Variants in IGF1R observed in about 807,000 individuals in gnomAD.
IGF1R encodes the protein insulin like growth factor 1 receptor.
A neutral mutation model predicts 144.6 loss-of-function variants in IGF1R; 44 were observed. That is an observed-to-expected ratio of 0.30 (90% CI 0.24 to 0.39). The LOEUF (loss-of-function observed/expected upper bound fraction) is 0.39, where lower values mean the gene tolerates loss of function less well. Ranked by LOEUF, IGF1R falls within the 10% of genes least tolerant of loss-of-function variation. IGF1R has a pLI of 1.00. For missense variants in IGF1R, 1,355 were observed against 1,833.7 expected (o/e 0.74, Z 4.77); for synonymous variants, 795 against 722.8 (o/e 1.10, Z -1.60).
intron 2 of IGF1R, among the ~76,000 whole-genome samples, chr15:98,883,417 C>T (rs1315218847): frequency 6.6e-6 from 1 of 152,152 alleles, no homozygotes; most frequent in Admixed American, 6.5e-5. Context: ...GGTTTTACCT[C>T]GTGGGTCTAA....
At chr15:98,750,364 G>A (rs749489898) in intron 2 of IGF1R, among the ~76,000 whole-genome samples, 25 of 152,176 alleles carry the variant, frequency 1.6e-4, no homozygotes, top group Non-Finnish European at 3.4e-4. Context: ...GGCCTAGGAG[G>A]GCCCCTGGAT....
chr15:98,816,953 A>T (rs912340239), intron 2 of IGF1R, among the ~76,000 whole-genome samples: 1 of 152,216 alleles, frequency 6.6e-6, no homozygotes, highest in Non-Finnish European at 1.5e-5. Flanking sequence ...TATTAATTTA[A>T]CAAACATTAG....
At chr15:98,899,368 C>A in intron 4 of IGF1R, 109 bp from the exon 5 acceptor site, 1 of 1,127,660 alleles carries the variant, frequency 8.9e-7, no homozygotes, top group African/African-American at 1.5e-5. Flanking sequence ...CTGGGAGCAT[C>A]TCAGGGGGCA....
chr15:98,764,760 C>T (rs2055394010), intron 2 of IGF1R, among the ~76,000 whole-genome samples: 1 of 152,034 alleles, frequency 6.6e-6, no homozygotes, highest in Non-Finnish European at 1.5e-5. Context: ...TTTGGACTTC[C>T]TCTTTGGTAT....
chr15:98,777,814 G>A (rs2055756805), intron 2 of IGF1R, among the ~76,000 whole-genome samples: 1 of 152,216 alleles, frequency 6.6e-6, no homozygotes, highest in African/African-American at 2.4e-5. Flanking sequence ...GCTGGGAGCA[G>A]CTGCATGACT....
rs1248568280 is a variant in IGF1R, at chr15:98,852,852, C to T, written c.641-38473C>T. Among the ~76,000 whole-genome samples, 9 of 152,254 alleles carry T rather than the reference C, an allele frequency of 5.9e-5. No individual in the cohort carries two copies. The South Asian group carries it at 1.2e-3, about 21-fold the overall frequency. On this transcript the variant is annotated intron_variant, in intron 2 of 20. Transcript: ENST00000650285. ...GACACCCCGTCCTCCCTTCCCCCGGCATCCCTGCCCTTATTCTGGCTTTCT... is the reference window on the plus strand; with the variant it reads ...GACACCCCGTCCTCCCTTCCCCCGGTATCCCTGCCCTTATTCTGGCTTTCT...
chr15:98,855,698 T>G (rs1041062657), intron 2 of IGF1R, among the ~76,000 whole-genome samples: 2 of 152,136 alleles, frequency 1.3e-5, no homozygotes, highest in Admixed American at 1.3e-4. Context: ...TTTATGAAAA[T>G]GAATGCTTAT....
intron 10 of IGF1R, among the ~76,000 whole-genome samples, chr15:98,920,296 C>T (rs2015430136): frequency 6.6e-6 from 1 of 152,184 alleles, no homozygotes. Flanking sequence ...TTCTGTGTCA[C>T]CTCCCTCCCC....
intron 1 of IGF1R, among the ~76,000 whole-genome samples, chr15:98,683,711 C>T (rs1055825529): frequency 1.3e-5 from 2 of 152,100 alleles, no homozygotes; most frequent in African/African-American, 2.4e-5. Context: ...AGTTGGATGG[C>T]AAGGTTTATT....
intron 10 of IGF1R, among the ~76,000 whole-genome samples, chr15:98,919,682 C>G (rs970910846): frequency 3.3e-5 from 5 of 152,166 alleles, no homozygotes; most frequent in Non-Finnish European, 5.9e-5. Flanking sequence ...TTGTGATTCT[C>G]TGTTTTCATG....
At chr15:98,843,399 A>G (rs1246474056) in intron 2 of IGF1R, among the ~76,000 whole-genome samples, 2 of 152,202 alleles carry the variant, frequency 1.3e-5, no homozygotes, top group African/African-American at 4.8e-5. Flanking sequence ...AGCCTCAGAG[A>G]TGATACCAAT....
In IGF1R at chr15:98,939,212, C is replaced by T. The variant is rs1596472722; in HGVS notation, c.3309C>T (p.Val1103=). The change falls in exon 18 of 21, where the codon GTC becomes GTT. Residue 1103 remains valine, a synonymous_variant. Transcript: ENST00000650285. The part of the protein sequence containing the change: ...SLRPEMENNP[V]LAPPSLSKMI... ...TAAATCTCCAACAGAATAATCCAGT[C>T]CTAGCACCTCCAAGCCTGAGCAAGA... The T allele has an allele frequency of 6.2e-7, 1 of 1,613,888 alleles. No homozygotes were observed. Among genetic ancestry groups the T allele is most frequent in the Non-Finnish European group, 8.5e-7 (1 of 1,179,806 alleles).
intron 15 of IGF1R, among the ~76,000 whole-genome samples, chr15:98,930,732 C>G (rs557880190): frequency 1.3e-5 from 2 of 152,128 alleles, no homozygotes; most frequent in East Asian, 1.9e-4. Context: ...TGAATTACAG[C>G]TCTGCTTTTT....
At chr15:98,948,404 G>T (rs1473596090) in intron 19 of IGF1R, among the ~76,000 whole-genome samples, 170 bp from the exon 20 acceptor site, 1 of 152,196 alleles carries the variant, frequency 6.6e-6, no homozygotes, top group East Asian at 1.9e-4. Flanking sequence ...GCAACAGAGG[G>T]AGGATGATAT....
intron 13 of IGF1R, among the ~76,000 whole-genome samples, chr15:98,927,227 G>C (rs1218638828): frequency 6.6e-6 from 1 of 152,172 alleles, no homozygotes; most frequent in East Asian, 1.9e-4. Context: ...CCTTACTGTT[G>C]AGAAATTTTT....
chr15:98,730,377 C>T (rs780081697), intron 2 of IGF1R, among the ~76,000 whole-genome samples: 6 of 152,272 alleles, frequency 3.9e-5, no homozygotes, highest in East Asian at 1.9e-4. Context: ...TGTAGTACCA[C>T]GATACTTTCT....
intron 2 of IGF1R, among the ~76,000 whole-genome samples, chr15:98,735,955 G>A (rs1273668215): frequency 6.6e-6 from 1 of 152,166 alleles, no homozygotes; most frequent in African/African-American, 2.4e-5. Context: ...TGTCAAAATT[G>A]TATTAAGCAG....
At chr15:98,843,180 C>G (rs536787663) in intron 2 of IGF1R, among the ~76,000 whole-genome samples, 233 of 152,322 alleles carry the variant, frequency 1.5e-3, no homozygotes, top group Non-Finnish European at 2.8e-3. Context: ...TGCTACAATC[C>G]TAACATGCTG....
In IGF1R at chr15:98,649,709, G is replaced by A. The variant is rs763307779; in HGVS notation, c.94+34G>A. 6.6e-6 allele frequency: 10 copies of A among 1,521,188 alleles called. No homozygotes were observed. The African/African-American group carries it at 6.8e-5, about 10-fold the overall frequency. The allele number at this position is 1,521,188 out of a possible 1,614,324, so 94.2% of individuals were successfully genotyped here. Reference sequence around the variant, plus strand: ...GTGCCCGCCGCCCGCGGCCACTGCGGGAACTTTTCCTCCGAGGGGCTGCGC... The same window carrying A: ...GTGCCCGCCGCCCGCGGCCACTGCGAGAACTTTTCCTCCGAGGGGCTGCGC... On this transcript the variant is annotated intron_variant, in intron 1 of 20. Coordinates refer to ENST00000650285, the MANE Select transcript of IGF1R (RefSeq NM_000875.5).
Sources: gnomAD v4.1 joint callset for allele counts (sites outside exome capture counted in the v4.1 genomes callset) on GRCh38, gnomAD v4.1.1 for gene constraint, MANE v1.5 for transcripts, NCBI Gene and HGNC (gene_info 2026-07-23, HGNC 2026-07-21) for gene names.